POLDIP2: variants seen among roughly 807,000 people sequenced by gnomAD.
POLDIP2 encodes the protein DNA polymerase delta interacting protein 2, also known as polymerase delta-interacting protein 2.
Under a neutral mutation model 52.9 loss-of-function variants are expected in POLDIP2, and 32 were observed. The observed-to-expected ratio is 0.61, with a 90% confidence interval of 0.46 to 0.81. POLDIP2 has a LOEUF of 0.81. Ranked by LOEUF, POLDIP2 falls within the 40% of genes least tolerant of loss-of-function variation. The pLI, the probability that POLDIP2 is intolerant of heterozygous loss-of-function variation, is 0.00. For synonymous variants in POLDIP2, 183 were observed against 183.0 expected (o/e 1.00, Z 0.00); for missense variants, 371 against 477.3 (o/e 0.78, Z 2.07).
intron 8 of POLDIP2, 51 bp downstream of exon 8, chr17:28,350,715 A>AC: frequency 6.3e-7 from 1 of 1,578,312 alleles, no homozygotes; most frequent in Non-Finnish European, 8.6e-7. Context: ...CTCCACCCTG[A>AC]CCCCCAGGCA....
chr17:28,356,922 T>C (rs1908064612), intron 1 of POLDIP2, among the ~76,000 whole-genome samples: 1 of 152,208 alleles, frequency 6.6e-6, no homozygotes, highest in Non-Finnish European at 1.5e-5. Context: ...CTAGCATCTT[T>C]CTGAGGCAGA....
chr17:28,357,425 C>T lies in POLDIP2; in HGVS notation c.24G>A (p.Arg8=). The change falls in exon 1 of 11, where the codon CGG becomes CGA. Residue 8 remains arginine, a synonymous_variant. Coordinates refer to ENST00000540200, the MANE Select transcript of POLDIP2 (RefSeq NM_015584.5). The stretch of plus-strand genomic sequence containing the variant: ...ACCAGCGGCTGCCCACGGCCAGGGC[C>T]CGCCGGGCTGTACAGGCTGCCATGT... MAACTAR[R]ALAVGSRWWS... The T allele has an allele frequency of 2.0e-6, 3 of 1,497,688 alleles. No individual in the cohort carries two copies. Among genetic ancestry groups the T allele is most frequent in the Non-Finnish European group, 2.6e-6 (3 of 1,132,822 alleles). 92.8% of individuals were successfully genotyped at this position (1,497,688 alleles called of 1,614,324 possible).
chr17:28,355,914 G>A (rs1555580844), intron 1 of POLDIP2, 38 bp from the exon 2 acceptor site: 1 of 1,510,796 alleles, frequency 6.6e-7, no homozygotes, highest in Non-Finnish European at 9.2e-7. Flanking sequence ...CAGAAAAGCT[G>A]AGAAGGTAAT....
intron 10 of POLDIP2, among the ~76,000 whole-genome samples, chr17:28,348,603 T>G (rs1907675557): frequency 6.6e-6 from 1 of 152,100 alleles, no homozygotes. Flanking sequence ...TCCCAGCTAC[T>G]CGGGAGGCTG....
chr17:28,349,592 C>T (rs564718850), intron 9 of POLDIP2, among the ~76,000 whole-genome samples: 3 of 152,226 alleles, frequency 2.0e-5, no homozygotes, highest in Admixed American at 2.0e-4. Flanking sequence ...CGCACCACTG[C>T]ACTCCAGCCT....
rs1244564411 is a variant in POLDIP2 at position 28,348,023 on chromosome 17, G to C, written c.*94C>G. 5.5e-6 allele frequency: 4 copies of C among 721,418 alleles called. No homozygotes were observed. Among genetic ancestry groups the C allele is most frequent in the Non-Finnish European group, 9.7e-6 (4 of 410,796 alleles). 44.7% of individuals were successfully genotyped at this position (721,418 alleles called of 1,614,324 possible). On this transcript the variant is annotated 3_prime_UTR_variant, in exon 11 of 11. Coordinates refer to ENST00000540200, the MANE Select transcript of POLDIP2 (RefSeq NM_015584.5). ...CAATCAAATTAAGAGACCCACTGTG[G>C]CCCATGATGGGGAGAGAAGAGTTCT... is the stretch of plus-strand genomic sequence containing the variant.
At position 28,349,090 on chromosome 17, in the gene POLDIP2, G is replaced by C; in HGVS notation, c.985C>G (p.His329Asp). ...CTGTGCACACTCACTCACCACATGT[G>C]CCCACTGGAAGCCTGCAGCGAGACG... is the stretch of plus-strand genomic sequence containing the variant. ...SHVSLQASSG[H>D]MWGTFRFERP... Residue 329 changes from histidine to aspartate, a missense_variant, in exon 10 of 11, where the codon CAC becomes GAC. Physicochemically the swap from His to Asp is moderately conservative, Grantham distance 81 (BLOSUM62 -1). Coordinates refer to ENST00000540200, the MANE Select transcript of POLDIP2 (RefSeq NM_015584.5). 1 of 1,610,720 alleles carries C rather than the reference G, an allele frequency of 6.2e-7. No individual in the cohort carries two copies. The highest frequency in any genetic ancestry group is 8.5e-7 in the Non-Finnish European group (1 of 1,177,312).
In POLDIP2 at chr17:28,357,207, C is replaced by A. The variant is rs1325278117; in HGVS notation, c.161+81G>T. On this transcript the variant is annotated intron_variant, in intron 1 of 10. Coordinates refer to ENST00000540200, the MANE Select transcript of POLDIP2 (RefSeq NM_015584.5). ...TCCAGTCACCCTCAGCAGGCCCGGG[C>A]CCCTGGCCTCCGCACTGGCTAGGAA... 12 of 1,300,376 alleles carry A rather than the reference C, an allele frequency of 9.2e-6. No individual in the cohort carries two copies. The African/African-American group carries it at 1.6e-4, about 17-fold the overall frequency. The allele number at this position is 1,300,376 out of a possible 1,614,324, so 80.6% of individuals were successfully genotyped here. A position where few individuals can be genotyped will look rare whatever the true frequency, so the allele number is the denominator to read the frequency against.
chr17:28,352,958 G>T lies in POLDIP2; in HGVS notation c.576C>A (p.Ile192=). ...LPYTSTDQVP[I]QHELFERFLL... is the part of the protein sequence containing the mutation. Reference sequence around the variant, plus strand: ...GAAATCTTTCAAAGAGTTCATGTTGGATGGGAACCTGATCAGTGGAGGTGT... The same window carrying T: ...GAAATCTTTCAAAGAGTTCATGTTGTATGGGAACCTGATCAGTGGAGGTGT... Residue 192 remains isoleucine (I), a synonymous_variant, in exon 6 of 11, where the codon ATC becomes ATA. Coordinates refer to ENST00000540200, the MANE Select transcript of POLDIP2 (RefSeq NM_015584.5). 6.4e-7 allele frequency: 1 copy of T among 1,562,862 alleles called. No individual in the cohort carries two copies. Among genetic ancestry groups the T allele is most frequent in the Non-Finnish European group, 8.8e-7 (1 of 1,133,140 alleles).
intron 1 of POLDIP2, among the ~76,000 whole-genome samples, chr17:28,356,360 T>G (rs1908028964): frequency 6.6e-6 from 1 of 152,128 alleles, no homozygotes; most frequent in East Asian, 1.9e-4. Flanking sequence ...GTAAATTCCC[T>G]GGGAGCAATG....
intron 4 of POLDIP2, 111 bp from the exon 5 acceptor site, chr17:28,353,427 C>T: frequency 1.5e-6 from 1 of 660,820 alleles, no homozygotes; most frequent in Non-Finnish European, 2.8e-6. Flanking sequence ...GTGGCTGAGG[C>T]AGGAGAATCA....
rs1287328540 is a variant in POLDIP2, at chr17:28,347,121, G to A, written c.*996C>T. The A allele has an allele frequency of 3.3e-5, 5 of 149,624 alleles. No homozygotes were observed. The highest frequency in any genetic ancestry group is 2.2e-4 in the South Asian group (1 of 4,604). The allele number at this position is 149,624 out of a possible 1,614,324, so 9.3% of individuals were successfully genotyped here. A position where few individuals can be genotyped will look rare whatever the true frequency, so the allele number is the denominator to read the frequency against. On this transcript the variant is annotated 3_prime_UTR_variant, in exon 11 of 11. Transcript: ENST00000540200. Reference sequence around the variant, plus strand: ...CTTGTGTTCTAGCCAGGTCGTAAGCGCGACTGTACTGTTGCCCTGCAACCC... The same window carrying A: ...CTTGTGTTCTAGCCAGGTCGTAAGCACGACTGTACTGTTGCCCTGCAACCC...
At chr17:28,352,569 G>A (rs571576381) in intron 6 of POLDIP2, among the ~76,000 whole-genome samples, 45 of 127,794 alleles carry the variant, frequency 3.5e-4, no homozygotes, top group African/African-American at 1.2e-3. Context: ...ATGGAGTCTC[G>A]CTCTGTTGCC....
chr17:28,351,286 T>A (rs1907784965), intron 7 of POLDIP2, among the ~76,000 whole-genome samples: 1 of 152,200 alleles, frequency 6.6e-6, no homozygotes, highest in Admixed American at 6.5e-5. Context: ...GTCTGTGGAG[T>A]TGGGCGGCCC....
At chr17:28,350,205 C>A (rs1034171664) in intron 9 of POLDIP2, among the ~76,000 whole-genome samples, 16 of 152,236 alleles carry the variant, frequency 1.1e-4, no homozygotes, top group Non-Finnish European at 2.2e-4. Flanking sequence ...CCTGCCACTA[C>A]TAGCTATGGG....
intron 2 of POLDIP2, 79 bp downstream of exon 2, chr17:28,355,716 C>G (rs782483238): frequency 5.4e-5 from 50 of 932,748 alleles, no homozygotes; most frequent in Non-Finnish European, 7.9e-5. Flanking sequence ...CCATACCATG[C>G]AGGCCTGTGA....
chr17:28,354,980 G>T (rs971615643), intron 2 of POLDIP2, among the ~76,000 whole-genome samples: 1 of 152,180 alleles, frequency 6.6e-6, no homozygotes, highest in Non-Finnish European at 1.5e-5. Context: ...AAAATAAAAT[G>T]TTGAACAAAC....
Position 28,350,791 on chromosome 17 carries a change from T to C in POLDIP2, c.761A>G (p.Glu254Gly). ...TVIPFYMGMR[E>G]AQNSHVYWWR... ...CCAGTACACGTGGGAATTCTGGGCT[T>C]CCTAGGGAGAAAACAAAAAGAATTT... Residue 254 changes from glutamate to glycine, a missense_variant and splice_region_variant, in exon 8 of 11, where the codon GAA becomes GGA. Physicochemically the swap from Glu to Gly is moderately conservative, Grantham distance 98. Transcript: ENST00000540200. 6.3e-7 allele frequency: 1 copy of C among 1,587,986 alleles called. No homozygotes were observed. Among genetic ancestry groups the C allele is most frequent in the Non-Finnish European group, 8.6e-7 (1 of 1,166,914 alleles).
At chr17:28,350,628 T>C in intron 8 of POLDIP2, 65 bp from the exon 9 acceptor site, 2 of 1,591,736 alleles carry the variant, frequency 1.3e-6, no homozygotes, top group East Asian at 4.5e-5. Context: ...CTCAGAATTC[T>C]GTGCAAAGCA....
Sources: gnomAD v4.1 joint callset for allele counts (sites outside exome capture counted in the v4.1 genomes callset) on GRCh38, gnomAD v4.1.1 for gene constraint, MANE v1.5 for transcripts, NCBI Gene and HGNC (gene_info 2026-07-23, HGNC 2026-07-21) for gene names.